ITPR2: variants seen among roughly 807,000 people sequenced by gnomAD.
The protein encoded by ITPR2 is inositol 1,4,5-trisphosphate-gated calcium channel ITPR2.
A neutral mutation model predicts 317.1 loss-of-function variants in ITPR2; 207 were observed. That is an observed-to-expected ratio of 0.65 (90% CI 0.58 to 0.73). The LOEUF (loss-of-function observed/expected upper bound fraction) is 0.73. ITPR2 is among the 30% of genes least tolerant of loss of function. The pLI is 0.00. For synonymous variants in ITPR2, 1,156 were observed against 1,149.1 expected, an observed-to-expected ratio of 1.01 and a Z score of -0.12; for missense variants, 2,613 against 3,284.0, an observed-to-expected ratio of 0.80 and a Z score of 4.99.
chr12:26,606,190 G>GAA (rs10701660), intron 26 of ITPR2, among the ~76,000 whole-genome samples: 20,049 of 148,032 alleles, frequency 0.14, 1,840 homozygotes, highest in Admixed American at 0.19. Context: ...AATGGGCCTA[G>GAA]AAAAAAAAAA....
chr12:26,695,553 T>C (rs1948325584), intron 10 of ITPR2, 53 bp downstream of exon 10: 1 of 1,473,164 alleles, frequency 6.8e-7, no homozygotes, highest in South Asian at 1.1e-5. Context: ...TCTATCCATA[T>C]AAAATAATAA....
chr12:26,810,042 T>C (rs1950707616), intron 1 of ITPR2, among the ~76,000 whole-genome samples: 1 of 152,238 alleles, frequency 6.6e-6, no homozygotes, highest in African/African-American at 2.4e-5. Context: ...CCACGCAAGA[T>C]GATGGCATCT....
chr12:26,384,068 A>G (rs892307327), intron 55 of ITPR2, among the ~76,000 whole-genome samples: 2 of 152,262 alleles, frequency 1.3e-5, no homozygotes, highest in African/African-American at 4.8e-5. Flanking sequence ...AACAAAAATA[A>G]GAGTGGCAGA....
intron 55 of ITPR2, among the ~76,000 whole-genome samples, chr12:26,371,952 A>T (rs1033820135): frequency 1.3e-5 from 2 of 152,210 alleles, no homozygotes; most frequent in African/African-American, 4.8e-5. Flanking sequence ...CATAAAAGTC[A>T]TCAATGCCTC....
At chr12:26,492,895 A>ATGTG (rs36164391) in intron 39 of ITPR2, among the ~76,000 whole-genome samples, 40 of 140,740 alleles carry the variant, frequency 2.8e-4, no homozygotes, top group African/African-American at 5.5e-4. Flanking sequence ...ATTGCACGAT[A>ATGTG]TGTGTGTGTG....
chr12:26,531,344 A>C (rs1157577111), intron 37 of ITPR2, among the ~76,000 whole-genome samples: 2 of 152,240 alleles, frequency 1.3e-5, no homozygotes, highest in African/African-American at 4.8e-5. Context: ...ATTAAAGTCT[A>C]TAACTCATTT....
intron 54 of ITPR2, among the ~76,000 whole-genome samples, chr12:26,391,046 G>A (rs1939818813): frequency 6.6e-6 from 1 of 152,164 alleles, no homozygotes; most frequent in Non-Finnish European, 1.5e-5. Flanking sequence ...ATTTTAAAAG[G>A]TTTCCAAGAG....
intron 9 of ITPR2, among the ~76,000 whole-genome samples, chr12:26,697,563 C>T (rs900210472): frequency 2.6e-5 from 4 of 152,166 alleles, no homozygotes; most frequent in Non-Finnish European, 5.9e-5. Flanking sequence ...AATCCCAGCA[C>T]TTTGGGAGGC....
intron 55 of ITPR2, among the ~76,000 whole-genome samples, chr12:26,357,925 T>C (rs1938692950): frequency 6.6e-6 from 1 of 152,220 alleles, no homozygotes; most frequent in African/African-American, 2.4e-5. Flanking sequence ...TGGGTTTACA[T>C]TTGCTAACTG....
chr12:26,548,851 T>G (rs1260377305), intron 37 of ITPR2, among the ~76,000 whole-genome samples: 1 of 152,192 alleles, frequency 6.6e-6, no homozygotes, highest in Non-Finnish European at 1.5e-5. Flanking sequence ...TGATTTATTT[T>G]AGAGTGGTTT....
chr12:26,423,108 C>T (rs148239095), intron 49 of ITPR2, among the ~76,000 whole-genome samples: 1 of 152,182 alleles, frequency 6.6e-6, no homozygotes, highest in African/African-American at 2.4e-5. Flanking sequence ...CATACTTTAA[C>T]CCCAGCGTTG....
rs560651852 is a variant in ITPR2, at chr12:26,723,906, G to A, written c.366+750C>T. 3.3e-5 allele frequency among the ~76,000 whole-genome samples: 5 copies of A among 152,218 alleles called. No individual in the cohort carries two copies. In the South Asian group the frequency reaches 8.3e-4, roughly 25 times the overall value. Reference sequence around the variant, plus strand: ...CTGTGCTGCGGATCTCCTAGCCAACGATGTAACAGACTATGCTTCCCTATG... The same window carrying A: ...CTGTGCTGCGGATCTCCTAGCCAACAATGTAACAGACTATGCTTCCCTATG... On this transcript the variant is annotated intron_variant, in intron 4 of 56. Coordinates refer to ENST00000381340, the MANE Select transcript of ITPR2 (RefSeq NM_002223.4).
chr12:26,696,629 C>T (rs1481705325), intron 9 of ITPR2, among the ~76,000 whole-genome samples: 1 of 152,052 alleles, frequency 6.6e-6, no homozygotes, highest in Non-Finnish European at 1.5e-5. Flanking sequence ...ACATAAATTC[C>T]AAATCTTCAA....
intron 13 of ITPR2, 54 bp from the exon 14 acceptor site, chr12:26,666,105 A>G: frequency 1.5e-6 from 2 of 1,309,592 alleles, no homozygotes; most frequent in Non-Finnish European, 2.1e-6. Context: ...ATTTTGGAAA[A>G]TGTATAGATA....
In ITPR2 at chr12:26,475,374, G is replaced by T. The variant is rs1222165514; in HGVS notation, c.6264C>A (p.Asp2088Glu). The change falls in exon 45 of 57, where the codon GAC becomes GAA. Residue 2088 changes from aspartate (D) to glutamate (E), a missense_variant. Asp to Glu is a conservative substitution (Grantham distance 45, BLOSUM62 2). Coordinates refer to ENST00000381340, the MANE Select transcript of ITPR2 (RefSeq NM_002223.4). Reference protein sequence around the residue: ...KNAYNQGLECDHGDDEGGDDG... With the variant: ...KNAYNQGLECEHGDDEGGDDG... The stretch of plus-strand genomic sequence containing the variant: ...CATCTCCACCCTCATCATCCCCATG[G>T]TCACATTCCAATCCTTGGTTATAGG... 6.2e-7 allele frequency: 1 copy of T among 1,613,134 alleles called. No individual in the cohort carries two copies. The highest frequency in any genetic ancestry group is 1.3e-5 in the African/African-American group (1 of 74,710).
In ITPR2 at chr12:26,439,322, G is replaced by T; in HGVS notation, c.6451-3C>A. 1 of 1,585,848 alleles carries T rather than the reference G, an allele frequency of 6.3e-7. No homozygotes were observed. On this transcript the variant is annotated splice_polypyrimidine_tract_variant and splice_region_variant and intron_variant, in intron 46 of 56. Coordinates refer to ENST00000381340, the MANE Select transcript of ITPR2 (RefSeq NM_002223.4). ...ATGGTCCTATCATGCCGGACAATCT[G>T]AAAACATTAATTTGCATTGTTTTTA... is the stretch of plus-strand genomic sequence containing the variant.
rs757846948 is a variant in ITPR2 at position 26,419,059 on chromosome 12, T to C, written c.7100A>G (p.Tyr2367Cys). 6.2e-7 allele frequency: 1 copy of C among 1,613,250 alleles called. No homozygotes were observed. The highest frequency in any genetic ancestry group is 1.7e-5 in the Admixed American group (1 of 59,908). Residue 2367 changes from tyrosine to cysteine, a missense_variant, in exon 50 of 57, where the codon TAT becomes TGT. Tyr to Cys is a radical substitution (Grantham distance 194, BLOSUM62 -2). Coordinates refer to ENST00000381340, the MANE Select transcript of ITPR2 (RefSeq NM_002223.4). ...MLGLFVHEFF[Y>C]SFLLFDLVYR... ...TAGAGATGTACTCACCAGGAAGCTA[T>C]AGAAGAATTCATGGACAAAAAGGCC...
At chr12:26,516,118 T>G (rs995025724) in intron 37 of ITPR2, among the ~76,000 whole-genome samples, 3 of 135,504 alleles carry the variant, frequency 2.2e-5, no homozygotes, top group African/African-American at 8.4e-5. Context: ...AGTGAGACCC[T>G]GTCTCAAAAG....
At chr12:26,690,491 A>G (rs1948217091) in intron 10 of ITPR2, among the ~76,000 whole-genome samples, 1 of 152,248 alleles carries the variant, frequency 6.6e-6, no homozygotes, top group African/African-American at 2.4e-5. Flanking sequence ...AAATGCACCA[A>G]TTGAGCCAAA....
Sources: allele counts gnomAD v4.1 joint callset (sites outside exome capture counted in the v4.1 genomes callset), GRCh38; gene constraint gnomAD v4.1.1; transcripts MANE v1.5; gene names NCBI Gene and HGNC (gene_info 2026-07-23, HGNC 2026-07-21).